Variants in NFIB observed in about 807,000 individuals in gnomAD.
NFIB encodes nuclear factor 1 B-type.
A neutral mutation model predicts 61.5 loss-of-function variants in NFIB; 11 were observed. The ratio of observed to expected loss-of-function variants is 0.18; its 90% CI spans 0.11 to 0.30. The LOEUF is 0.30. NFIB is among the 10% of genes least tolerant of loss of function. The pLI is 1.00. For synonymous variants in NFIB, 260 were observed against 216.5 expected (o/e 1.20, Z -1.76); for missense variants, 471 against 608.9 (o/e 0.77, Z 2.38).
intron 2 of NFIB, chr9:14,305,730 CAG>C (rs1247112178): frequency 4.2e-6 from 1 of 237,000 alleles, no homozygotes; most frequent in East Asian, 7.8e-5. Flanking sequence ...GCCTAGAATT[CAG>C]AGTCAAAAAA....
In NFIB at chr9:14,210,539, C is replaced by A. The variant is rs535938641; in HGVS notation, c.563-30759G>T. 2.6e-5 allele frequency among the ~76,000 whole-genome samples: 4 copies of A among 152,100 alleles called. No homozygotes were observed. The East Asian group carries it at 7.7e-4, about 29-fold the overall frequency. ...ACGCTAAAATGTAAGTATACATACA[C>A]ACATGTGCACACTCACACAAACACA... is the stretch of plus-strand genomic sequence containing the variant. On this transcript the variant is annotated intron_variant, in intron 2 of 10. Coordinates refer to ENST00000380953, the MANE Select transcript of NFIB (RefSeq NM_001190737.2).
At position 14,265,231 on chromosome 9, in the gene NFIB, G is replaced by C. The variant is rs1329475302; in HGVS notation, c.562+41758C>G. On this transcript the variant is annotated intron_variant, in intron 2 of 10. Transcript: ENST00000380953. ...TCTATCTCTCTATAAATGATGAACAGTATTCAGCTACAACGGAGGTGTTAC... is the reference window on the plus strand; with the variant it reads ...TCTATCTCTCTATAAATGATGAACACTATTCAGCTACAACGGAGGTGTTAC... Among the ~76,000 whole-genome samples, 5 of 152,176 alleles carry C rather than the reference G, an allele frequency of 3.3e-5. No individual in the cohort carries two copies. The East Asian group carries it at 7.7e-4, about 23-fold the overall frequency.
intron 10 of NFIB, among the ~76,000 whole-genome samples, chr9:14,089,315 G>A (rs2033448130): frequency 6.7e-6 from 1 of 148,710 alleles, no homozygotes; most frequent in South Asian, 2.1e-4. Flanking sequence ...TAAGATTCCA[G>A]CCTTACTCTC....
At chr9:14,113,493 G>A (rs1044726515) in intron 9 of NFIB, among the ~76,000 whole-genome samples, 2 of 152,142 alleles carry the variant, frequency 1.3e-5, no homozygotes, top group South Asian at 2.1e-4. Flanking sequence ...CTGAAAGTCC[G>A]CCAGGAAAAA....
chr9:14,225,472 A>G (rs1415397688), intron 2 of NFIB, among the ~76,000 whole-genome samples: 1 of 142,980 alleles, frequency 7.0e-6, no homozygotes, highest in Non-Finnish European at 1.5e-5. Context: ...AAAAAAAAAA[A>G]AAAAAAAAGA....
At position 14,134,895 on chromosome 9, in the gene NFIB, C is replaced by A. The variant is rs570908193; in HGVS notation, c.926-9129G>T. 8.8e-4 allele frequency among the ~76,000 whole-genome samples: 46 copies of A among 52,058 alleles called. 1 individual carries two copies. The East Asian group carries it at 0.032, about 37-fold the overall frequency. 34.2% of individuals were successfully genotyped at this position (52,058 alleles called of 152,430 possible). A position where few individuals can be genotyped will look rare whatever the true frequency, so the allele number is the denominator to read the frequency against. ...CCTGGGTGACAGGGCGAGACTCTGT[C>A]TCAAAAAAAAAAAAAAAAAAAAAAA... On this transcript the variant is annotated intron_variant, in intron 6 of 10. Transcript: ENST00000380953.
At chr9:14,160,831 C>CAAAAAAAAAAAAAAAAAAAAAAAAA (rs36063048) in intron 3 of NFIB, among the ~76,000 whole-genome samples, 2 of 96,330 alleles carry the variant, frequency 2.1e-5, no homozygotes, top group Non-Finnish European at 3.9e-5. Context: ...AAGGAAATCT[C>CAAAAAAAAAAAAAAAAAAAAAAAAA]AAAAAAAAAA....
At chr9:14,329,878 C>G (rs1564011989) in intron 1 of NFIB, among the ~76,000 whole-genome samples, 1 of 151,754 alleles carries the variant, frequency 6.6e-6, no homozygotes, top group East Asian at 2.0e-4. Context: ...AATCCCAGCA[C>G]TTTGGGAGGC....
the NFIB span, among the ~76,000 whole-genome samples, chr9:14,412,899 G>T: frequency 6.6e-6 from 1 of 152,148 alleles, no homozygotes; most frequent in African/African-American, 2.4e-5. Context: ...AAGTGGGGTG[G>T]TGTCTGGTTA....
intron 3 of NFIB, among the ~76,000 whole-genome samples, chr9:14,172,025 G>A (rs530938320): frequency 2.0e-5 from 3 of 152,212 alleles, no homozygotes; most frequent in South Asian, 2.1e-4. Flanking sequence ...TCAGAGGCAC[G>A]GGCAAAGTTT....
At chr9:14,484,593 A>G in the NFIB span, among the ~76,000 whole-genome samples, 1 of 152,220 alleles carries the variant, frequency 6.6e-6, no homozygotes, top group Admixed American at 6.5e-5. Flanking sequence ...GGTATGTGTG[A>G]ATTCAGGTAA....
chr9:14,420,124 G>T, the NFIB span, among the ~76,000 whole-genome samples: 3 of 152,184 alleles, frequency 2.0e-5, no homozygotes, highest in South Asian at 6.2e-4. Context: ...TCTGGCTTCA[G>T]TCTTTTCTCA....
chr9:14,329,110 T>C (rs746941689), intron 1 of NFIB, among the ~76,000 whole-genome samples: 1 of 152,166 alleles, frequency 6.6e-6, no homozygotes, highest in Non-Finnish European at 1.5e-5. Flanking sequence ...ATTTCTGACT[T>C]GCTTTCTATA....
intron 3 of NFIB, among the ~76,000 whole-genome samples, chr9:14,156,188 GCT>G (rs2043378697): frequency 6.6e-6 from 1 of 152,170 alleles, no homozygotes; most frequent in Non-Finnish European, 1.5e-5. Context: ...TGGTCTGTGG[GCT>G]CTCAGTGAAT....
chr9:14,134,706 G>A (rs2040802456), intron 6 of NFIB, among the ~76,000 whole-genome samples: 1 of 151,898 alleles, frequency 6.6e-6, no homozygotes, highest in Admixed American at 6.6e-5. Flanking sequence ...AGACCAGCCT[G>A]GCCAACATGG....
intron 1 of NFIB, among the ~76,000 whole-genome samples, chr9:14,384,000 G>A (rs1441722814): frequency 6.6e-6 from 1 of 152,202 alleles, no homozygotes; most frequent in African/African-American, 2.4e-5. Flanking sequence ...AAAAGGCCGG[G>A]GTGCCCAGGC....
intron 1 of NFIB, among the ~76,000 whole-genome samples, chr9:14,335,584 A>G (rs2060877311): frequency 6.6e-6 from 1 of 152,338 alleles, no homozygotes; most frequent in African/African-American, 2.4e-5. Flanking sequence ...TACTGTGAAT[A>G]CAAAGCCTTT....
intron 1 of NFIB, among the ~76,000 whole-genome samples, chr9:14,336,598 G>A (rs193274941): frequency 7.2e-5 from 11 of 152,246 alleles, no homozygotes; most frequent in South Asian, 2.1e-4. Context: ...CTGAAGCTGC[G>A]GTCCATAAGC....
intron 1 of NFIB, among the ~76,000 whole-genome samples, chr9:14,337,818 G>A (rs1364190733): frequency 2.0e-5 from 3 of 152,158 alleles, no homozygotes; most frequent in Non-Finnish European, 4.4e-5. Context: ...TTTTGTTTCA[G>A]ACACTGATGC....
Sources: gnomAD v4.1 joint callset for allele counts (sites outside exome capture counted in the v4.1 genomes callset) on GRCh38, gnomAD v4.1.1 for gene constraint, MANE v1.5 for transcripts, NCBI Gene and HGNC (gene_info 2026-07-23, HGNC 2026-07-21) for gene names.